The following DNAH12 variants were observed in gnomAD, a reference collection of about 807,000 sequenced individuals.
The protein encoded by DNAH12 is dynein axonemal heavy chain 12.
In DNAH12, 285 loss-of-function variants were observed where a neutral mutation model predicts 371.5. The ratio of observed to expected loss-of-function variants is 0.77; its 90% CI spans 0.70 to 0.85. DNAH12 has a LOEUF of 0.85. DNAH12 is among the 40% of genes least tolerant of loss of function. The pLI is 0.00. For synonymous variants in DNAH12, 1,200 were observed against 1,213.0 expected (o/e 0.99, Z 0.22); for missense variants, 3,611 against 3,689.4 (o/e 0.98, Z 0.55).
chr3:57,369,902 T>C (rs1451094158), intron 55 of DNAH12, among the ~76,000 whole-genome samples: 1 of 152,224 alleles, frequency 6.6e-6, no homozygotes, highest in African/African-American at 2.4e-5. Flanking sequence ...TAGAGATTCT[T>C]GTCTACTCTG....
chr3:57,412,729 C>A (rs1252112104), intron 39 of DNAH12, among the ~76,000 whole-genome samples: 2 of 152,116 alleles, frequency 1.3e-5, no homozygotes, highest in Non-Finnish European at 2.9e-5. Flanking sequence ...CAAATTAAAA[C>A]AATGAAATAC....
In DNAH12 at chr3:57,501,079, C is replaced by T. The variant is rs6762942; in HGVS notation, c.1335+242G>A. Reference sequence around the variant, plus strand: ...TACAGGCATGAGCCACCATTCCCACCCTTTCATTTATTTTTGCATCACCAA... The same window carrying T: ...TACAGGCATGAGCCACCATTCCCACTCTTTCATTTATTTTTGCATCACCAA... On this transcript the variant is annotated intron_variant, in intron 11 of 73. Coordinates refer to ENST00000495027, the MANE Select transcript of DNAH12 (RefSeq NM_001366028.2). 6.1e-3 allele frequency among the ~76,000 whole-genome samples: 922 copies of T among 152,284 alleles called. 8 individuals carry two copies. Among genetic ancestry groups the T allele is most frequent in the African/African-American group, 0.02 (846 of 41,570 alleles).
chr3:57,325,064 T>C (rs9790203), intron 62 of DNAH12, among the ~76,000 whole-genome samples: 48,938 of 152,152 alleles, frequency 0.32, 8,719 homozygotes, highest in African/African-American at 0.46. Context: ...ACAAAGCAGC[T>C]GGAAAGCTCC....
intron 43 of DNAH12, among the ~76,000 whole-genome samples, chr3:57,396,529 CTGAGATTACA>C (rs1280581315): frequency 6.6e-6 from 1 of 151,854 alleles, no homozygotes; most frequent in East Asian, 2.0e-4. Context: ...TCCCAAGTAT[CTGAGATTACA>C]GGTGCTTTCC....
Position 57,421,666 on chromosome 3 carries a change from C to T in DNAH12, c.5414G>A (p.Ser1805Asn). Residue 1805 changes from serine (S) to asparagine (N), a missense_variant, in exon 36 of 74, where the codon AGT (serine) becomes AAT (asparagine). Physicochemically the swap from Ser to Asn is conservative, Grantham distance 46 (BLOSUM62 1). Around this residue, in one of 3 missense-constraint regions of DNAH12, gnomAD observed 2,266 missense variants for 2,236.9 expected, o/e 1.01. Coordinates refer to ENST00000495027, the MANE Select transcript of DNAH12 (RefSeq NM_001366028.2). Reference sequence around the variant, plus strand: ...AACACGACGGCCATCTGTATCACAACTTCCTCCAATCGACCAAATCAAAGA... The same window carrying T: ...AACACGACGGCCATCTGTATCACAATTTCCTCCAATCGACCAAATCAAAGA... ...IFSLIWSIGG[S>N]CDTDGRRVFD... 1 of 1,551,666 alleles carries T rather than the reference C, an allele frequency of 6.4e-7. No individual in the cohort carries two copies. Among genetic ancestry groups the T allele is most frequent in the East Asian group, 2.4e-5 (1 of 40,906 alleles).
At chr3:57,307,332 C>G (rs2061493710) in intron 69 of DNAH12, among the ~76,000 whole-genome samples, 1 of 152,152 alleles carries the variant, frequency 6.6e-6, no homozygotes. Context: ...TCTTTCCATT[C>G]CTTGAAGACA....
At position 57,422,259 on chromosome 3, in the gene DNAH12, A is replaced by T. The variant is rs2064612471; in HGVS notation, c.5374-553T>A. Among the ~76,000 whole-genome samples the T allele has an allele frequency of 2.7e-5, 4 of 145,542 alleles. No individual in the cohort carries two copies. In the Admixed American group the frequency reaches 2.8e-4, roughly 10 times the overall value. ...TTTTTTTCTTTTTTGAGACAGTCTC[A>T]CTCTCTCACCCAGGCTGGAGTACAG... On this transcript the variant is annotated intron_variant, in intron 35 of 73. Transcript: ENST00000495027.
At chr3:57,427,138 A>ATGTGATGTGTGTGTGTGTGTG (rs564544771) in intron 34 of DNAH12, among the ~76,000 whole-genome samples, 21 of 138,866 alleles carry the variant, frequency 1.5e-4, no homozygotes, top group African/African-American at 5.6e-4. Flanking sequence ...TAAGAAGCGA[A>ATGTGATGTGTGTGTGTGTGTG]TGTGTGTGTG....
At position 57,499,673 on chromosome 3, in the gene DNAH12, T is replaced by TATATATATATATATATACACAC. The variant is rs771112538; in HGVS notation, c.1335+1647_1335+1648insGTGTGTATATATATATATATAT. 5.0e-4 allele frequency among the ~76,000 whole-genome samples: 22 copies of TATATATATATATATATACACAC among 44,430 alleles called. 1 individual carries two copies. Among genetic ancestry groups the TATATATATATATATATACACAC allele is most frequent in the African/African-American group, 1.8e-3 (20 of 11,206 alleles). 29.1% of individuals were successfully genotyped at this position (44,430 alleles called of 152,430 possible). On this transcript the variant is annotated intron_variant, in intron 11 of 73. Coordinates refer to ENST00000495027, the MANE Select transcript of DNAH12 (RefSeq NM_001366028.2). ...ATATATATATATATATATATATATA[T>TATATATATATATATATACACAC]ATACTTCTTAAAAAAATTAGCCAGG...
chr3:57,329,130 T>C (rs1202835320), intron 62 of DNAH12, among the ~76,000 whole-genome samples: 1 of 147,922 alleles, frequency 6.8e-6, no homozygotes, highest in Non-Finnish European at 1.5e-5. Flanking sequence ...AAAATGGCCA[T>C]ACTGCCCAAG....
At chr3:57,464,897 C>A (rs111851125) in intron 17 of DNAH12, among the ~76,000 whole-genome samples, 5,616 of 152,274 alleles carry the variant, frequency 0.037, 101 homozygotes, top group African/African-American at 0.05. Flanking sequence ...TTCCTTAAAA[C>A]TACAATCTAC....
At chr3:57,402,395 A>T (rs1553679226) in intron 43 of DNAH12, 1 of 1,304,886 alleles carries the variant, frequency 7.7e-7, no homozygotes. Context: ...TATGCACTCC[A>T]CTATCCTGTT....
At chr3:57,535,567 A>G (rs1285880216) in intron 2 of DNAH12, among the ~76,000 whole-genome samples, 2 of 152,094 alleles carry the variant, frequency 1.3e-5, no homozygotes, top group African/African-American at 4.8e-5. Flanking sequence ...TTTAAGACAG[A>G]GTTTTGCTCT....
chr3:57,453,472 T>C (rs2065816095), intron 23 of DNAH12, 69 bp from the exon 24 acceptor site: 2 of 1,289,720 alleles, frequency 1.6e-6, no homozygotes, highest in South Asian at 1.9e-5. Flanking sequence ...TTTATATATT[T>C]AGTCTTTTAT....
intron 4 of DNAH12, among the ~76,000 whole-genome samples, chr3:57,518,394 C>T (rs180853586): frequency 6.6e-6 from 1 of 152,188 alleles, no homozygotes; most frequent in East Asian, 1.9e-4. Flanking sequence ...GGCATGGTGG[C>T]ATGTGCCTGT....
Position 57,433,467 on chromosome 3 carries a change from G to A in DNAH12, c.4880C>T (p.Ala1627Val). ...TTTCCGGTCAGGTGTTTCTGATAAG[G>A]CAAATTCTCTAAAAGTGTTAGCCAC... ...GIVANTFREF[A>V]LSETPDRKWV... The change falls in exon 32 of 74, where the codon GCC (alanine) becomes GTC (valine). Residue 1627 changes from alanine (A) to valine (V), a missense_variant. Physicochemically the swap from Ala to Val is moderately conservative, Grantham distance 64. Around this residue, in one of 3 missense-constraint regions of DNAH12, gnomAD observed 2,266 missense variants for 2,236.9 expected, o/e 1.01. Coordinates refer to ENST00000495027, the MANE Select transcript of DNAH12 (RefSeq NM_001366028.2). 6 of 1,551,406 alleles carry A rather than the reference G, an allele frequency of 3.9e-6. No individual in the cohort carries two copies. Among genetic ancestry groups the A allele is most frequent in the Non-Finnish European group, 4.4e-6 (5 of 1,146,908 alleles).
At chr3:57,528,464 G>A (rs1469950233) in intron 2 of DNAH12, among the ~76,000 whole-genome samples, 4 of 150,848 alleles carry the variant, frequency 2.7e-5, no homozygotes, top group African/African-American at 9.7e-5. Context: ...GGTGGCTCAC[G>A]CCTATAATCC....
intron 45 of DNAH12, among the ~76,000 whole-genome samples, chr3:57,390,645 G>A (rs1350695667): frequency 6.6e-6 from 1 of 150,778 alleles, no homozygotes; most frequent in Non-Finnish European, 1.5e-5. Context: ...AACAATAGAA[G>A]GTACCATGAG....
intron 39 of DNAH12, among the ~76,000 whole-genome samples, chr3:57,412,342 C>A (rs1553683303): frequency 6.6e-6 from 1 of 152,128 alleles, no homozygotes; most frequent in African/African-American, 2.4e-5. Context: ...AAATGCAATA[C>A]TATAAAACTC....
Sources: gnomAD v4.1 joint callset for allele counts (sites outside exome capture counted in the v4.1 genomes callset) on GRCh38, gnomAD v4.1.1 for gene constraint, gnomAD v4.1.1 regional missense constraint, MANE v1.5 for transcripts, NCBI Gene and HGNC (gene_info 2026-07-23, HGNC 2026-07-21) for gene names.